Variants in CCDC157 observed in about 807,000 individuals in gnomAD.
The protein encoded by CCDC157 is coiled-coil domain-containing protein 157.
In CCDC157, 60 loss-of-function variants were observed where a neutral mutation model predicts 70.9. That is an observed-to-expected ratio of 0.85 (90% CI 0.69 to 1.05). CCDC157 has a LOEUF of 1.05. Ranked by LOEUF, CCDC157 falls within the 50% of genes least tolerant of loss-of-function variation. CCDC157 has a pLI of 0.00. For missense variants in CCDC157, 943 were observed against 984.2 expected (o/e 0.96, Z 0.56); for synonymous variants, 373 against 422.4 (o/e 0.88, Z 1.43).
intron 7 of CCDC157, chr22:30,372,508 G>A (rs1933018717): frequency 1.8e-6 from 1 of 543,076 alleles, no homozygotes; most frequent in Admixed American, 3.8e-5. Context: ...CCTCACTCTG[G>A]AAGAGCGCCC....
At chr22:30,371,311 G>C in intron 5 of CCDC157, 1 of 494,388 alleles carries the variant, frequency 2.0e-6, no homozygotes, top group Non-Finnish European at 3.6e-6. Context: ...CTCTGGTTGT[G>C]GCAAAAGCCA....
In CCDC157 at chr22:30,374,034, G is replaced by GAGCGGC. The variant is rs761077110; in HGVS notation, c.1616_1621dup (p.Arg540_Leu541insGlnArg). ...GGAGCTGGAGGAGCTGAAGGAGCGG[G>GAGCGGC]AGCGGCTGCTGGTGGCCTTCCCAGA... On this transcript the variant is annotated inframe_insertion, in exon 9 of 12. Coordinates refer to ENST00000338306, the MANE Select transcript of CCDC157 (RefSeq NM_001017437.5). The GAGCGGC allele has an allele frequency of 6.2e-7, 1 of 1,609,040 alleles. No homozygotes were observed. Among genetic ancestry groups the GAGCGGC allele is most frequent in the Non-Finnish European group, 8.5e-7 (1 of 1,178,306 alleles).
intron 2 of CCDC157, among the ~76,000 whole-genome samples, chr22:30,363,361 G>A (rs1222622971): frequency 2.0e-5 from 3 of 152,158 alleles, no homozygotes; most frequent in Admixed American, 2.0e-4. Context: ...GGGCTTTGCC[G>A]TGGTTACTGC....
intron 9 of CCDC157, chr22:30,374,386 G>A (rs747626979): frequency 1.5e-5 from 9 of 590,982 alleles, no homozygotes; most frequent in African/African-American, 9.1e-5. Context: ...TCTTCACTAC[G>A]TCACATGCTA....
rs1933437105 is a variant in CCDC157 at position 30,377,737 on chromosome 22, G to C, written c.*992G>C. ...TCCTGAGGGAGGCTGGGGTGCCCCG[G>C]GCACCCCCCTCACAGGGGAGCACCA... On this transcript the variant is annotated 3_prime_UTR_variant, in exon 12 of 12. Transcript: ENST00000338306. 5.3e-6 allele frequency: 1 copy of C among 189,762 alleles called. No homozygotes were observed. Among genetic ancestry groups the C allele is most frequent in the Admixed American group, 5.5e-5 (1 of 18,198 alleles). The allele number at this position is 189,762 out of a possible 1,614,324, so 11.8% of individuals were successfully genotyped here. A position where few individuals can be genotyped will look rare whatever the true frequency, so the allele number is the denominator to read the frequency against.
chr22:30,356,679 A>C, upstream of CCDC157: 1 of 1,353,016 alleles, frequency 7.4e-7, no homozygotes, highest in Non-Finnish European at 9.9e-7. Context: ...GCGAGTAAGG[A>C]GCGCCCAGGC....
At chr22:30,369,778 C>T (rs937089990) in intron 4 of CCDC157, 175 bp downstream of exon 4, 19 of 532,178 alleles carry the variant, frequency 3.6e-5, no homozygotes, top group South Asian at 7.5e-5. Flanking sequence ...CGGTTAAGAA[C>T]GCAGGCCTTG....
At position 30,376,933 on chromosome 22, in the gene CCDC157, G is replaced by A. The variant is rs528599716; in HGVS notation, c.*188G>A. 38 of 622,714 alleles carry A rather than the reference G, an allele frequency of 6.1e-5. No homozygotes were observed. In the African/African-American group the frequency reaches 6.6e-4, roughly 11 times the overall value. The allele number at this position is 622,714 out of a possible 1,614,324, so 38.6% of individuals were successfully genotyped here. On this transcript the variant is annotated 3_prime_UTR_variant, in exon 12 of 12. Coordinates refer to ENST00000338306, the MANE Select transcript of CCDC157 (RefSeq NM_001017437.5). ...CCATGTAGTTCAGTCAGTCAGCAGA[G>A]TCCTGGCACTATGGGCCCTCAGTAA...
chr22:30,373,297 T>A, intron 7 of CCDC157: 1 of 350,564 alleles, frequency 2.9e-6, no homozygotes, highest in Non-Finnish European at 5.3e-6. Context: ...CCAAGTGGGG[T>A]CTGTGTATGA....
At chr22:30,374,795 C>T (rs1403845635) in intron 9 of CCDC157, 6 of 454,080 alleles carry the variant, frequency 1.3e-5, no homozygotes, top group Non-Finnish European at 2.2e-5. Context: ...AAGGAAGCAT[C>T]CATCACAAAA....
intron 2 of CCDC157, among the ~76,000 whole-genome samples, chr22:30,363,354 C>T (rs1489095939): frequency 6.6e-6 from 1 of 152,142 alleles, no homozygotes; most frequent in Non-Finnish European, 1.5e-5. Context: ...CAAGGATGGG[C>T]TTTGCCGTGG....
Position 30,376,674 on chromosome 22 carries a change from C to G in CCDC157, c.2188C>G (p.Leu730Val), listed in dbSNP as rs749236506. 6.2e-7 allele frequency: 1 copy of G among 1,613,748 alleles called. No individual in the cohort carries two copies. Among genetic ancestry groups the G allele is most frequent in the Admixed American group, 1.7e-5 (1 of 60,030 alleles). The change falls in exon 12 of 12, where the codon CTG becomes GTG. Residue 730 changes from leucine (L) to valine (V), a missense_variant. Coordinates refer to ENST00000338306, the MANE Select transcript of CCDC157 (RefSeq NM_001017437.5). Reference sequence around the variant, plus strand: ...GAACCCCATCAAGGTCTTGGTCAGGCTGAGAAAGAGACTGTCACCTGGCCG... The same window carrying G: ...GAACCCCATCAAGGTCTTGGTCAGGGTGAGAAAGAGACTGTCACCTGGCCG... ...TQNPIKVLVRLRKRLSPGRGQ... is the reference protein window; with the variant it reads ...TQNPIKVLVRVRKRLSPGRGQ...
chr22:30,364,864 C>T (rs1330912035), intron 2 of CCDC157, among the ~76,000 whole-genome samples: 8 of 152,000 alleles, frequency 5.3e-5, no homozygotes, highest in Admixed American at 6.6e-5. Context: ...TCTCTGTCAC[C>T]GCTGGTGACA....
intron 9 of CCDC157, chr22:30,374,981 A>G (rs1188197556): frequency 9.3e-6 from 3 of 324,066 alleles, no homozygotes; most frequent in African/African-American, 5.0e-5. Flanking sequence ...TTTTTTTGAG[A>G]CAGAGTCTCA....
In CCDC157 at chr22:30,376,574, C is replaced by G; in HGVS notation, c.2088C>G (p.Ser696=). ...CTSPPRQPCT[S]PSRQPCSQPS... ...CCCCACCTCGGCAGCCCTGCACATC[C>G]CCATCTCGGCAGCCCTGCAGCCAGC... The change falls in exon 12 of 12, where the codon TCC becomes TCG. Residue 696 remains serine (S), a synonymous_variant. Transcript: ENST00000338306. 1.2e-6 allele frequency: 2 copies of G among 1,612,468 alleles called. No homozygotes were observed. The highest frequency in any genetic ancestry group is 1.7e-6 in the Non-Finnish European group (2 of 1,179,774).
At position 30,361,108 on chromosome 22, in the gene CCDC157, C is replaced by T. The variant is rs189153166; in HGVS notation, c.-165-853C>T. 1.1e-3 allele frequency among the ~76,000 whole-genome samples: 165 copies of T among 151,666 alleles called. 4 individuals carry two copies. In the East Asian group the frequency reaches 0.025, roughly 23 times the overall value. On this transcript the variant is annotated intron_variant, in intron 1 of 11. Transcript: ENST00000338306. Reference sequence around the variant, plus strand: ...AATAAAAATACAAAAATTAGCTGGGCGTGGTGGTGTGCACCTGTAGTCCCA... The same window carrying T: ...AATAAAAATACAAAAATTAGCTGGGTGTGGTGGTGTGCACCTGTAGTCCCA...
Position 30,377,814 on chromosome 22 carries a change from C to CGTA in CCDC157, c.*1069_*1070insGTA. 6.9e-6 allele frequency: 2 copies of CGTA among 288,172 alleles called. No homozygotes were observed. The highest frequency in any genetic ancestry group is 3.1e-5 in the South Asian group (1 of 32,036). The allele number at this position is 288,172 out of a possible 1,614,324, so 17.9% of individuals were successfully genotyped here. A position where few individuals can be genotyped will look rare whatever the true frequency, so the allele number is the denominator to read the frequency against. On this transcript the variant is annotated 3_prime_UTR_variant, in exon 12 of 12. Transcript: ENST00000338306. Reference sequence around the variant, plus strand: ...CTGTGCTCAAGTCCAGGGGAAGGACCTCACAGCTGAGTAGCTCTCTCAGGC... The same window carrying CGTA: ...CTGTGCTCAAGTCCAGGGGAAGGACCGTATCACAGCTGAGTAGCTCTCTCAGGC...
intron 5 of CCDC157, 200 bp downstream of exon 5, chr22:30,371,150 G>A: frequency 1.5e-6 from 1 of 661,154 alleles, no homozygotes; most frequent in Non-Finnish European, 2.5e-6. Flanking sequence ...CAGTCCCACT[G>A]GGGCCACCAG....
At chr22:30,375,720 G>C (rs775186235) in intron 10 of CCDC157, 57 bp downstream of exon 10, 1 of 1,488,546 alleles carries the variant, frequency 6.7e-7, no homozygotes, top group Non-Finnish European at 9.1e-7. Flanking sequence ...TCCAGCAGCA[G>C]GTCTTCAGAC....
Sources: allele counts gnomAD v4.1 joint callset (sites outside exome capture counted in the v4.1 genomes callset), GRCh38; gene constraint gnomAD v4.1.1; transcripts MANE v1.5; gene names NCBI Gene and HGNC (gene_info 2026-07-23, HGNC 2026-07-21).